ANK2: variants seen among roughly 807,000 people sequenced by gnomAD.
The protein encoded by ANK2 is ankyrin 2.
In ANK2, 83 loss-of-function variants were observed where a neutral mutation model predicts 360.5. That is an observed-to-expected ratio of 0.23 (90% CI 0.19 to 0.28). The LOEUF (loss-of-function observed/expected upper bound fraction) is 0.28. Ranked by LOEUF, ANK2 falls within the 10% of genes least tolerant of loss-of-function variation. The probability of loss-of-function intolerance (pLI) is 1.00; values close to 1 mark genes in which losing one functional copy is unlikely to be tolerated. For missense variants in ANK2, 4,201 were observed against 4,795.7 expected (o/e 0.88, Z 3.66); for synonymous variants, 1,740 against 1,759.5 (o/e 0.99, Z 0.28).
chr4:113,291,111 A>C (rs28567982), intron 20 of ANK2, among the ~76,000 whole-genome samples: 38,068 of 152,120 alleles, frequency 0.25, 5,118 homozygotes, highest in Admixed American at 0.33. Context: ...ATATTATTTT[A>C]TTAATTTACA....
chr4:113,073,499 C>T (rs937251491), intron 1 of ANK2, among the ~76,000 whole-genome samples: 3 of 151,986 alleles, frequency 2.0e-5, no homozygotes, highest in South Asian at 4.2e-4. Flanking sequence ...ACTAGGATGC[C>T]AGCCTGAAGC....
chr4:113,132,338 GT>G (rs1403017738), intron 1 of ANK2, among the ~76,000 whole-genome samples: 1 of 151,978 alleles, frequency 6.6e-6, no homozygotes, highest in Non-Finnish European at 1.5e-5. Flanking sequence ...TTCTCCTGGA[GT>G]TTTCAACATA....
At chr4:112,799,295 C>T in the ANK2 span, among the ~76,000 whole-genome samples, 3 of 152,212 alleles carry the variant, frequency 2.0e-5, no homozygotes, top group South Asian at 6.2e-4. Flanking sequence ...TACACAGACA[C>T]CTGTTCGAGT....
intron 22 of ANK2, among the ~76,000 whole-genome samples, chr4:113,301,378 T>TACACAC (rs59844602): frequency 1.3e-4 from 19 of 149,610 alleles, no homozygotes; most frequent in South Asian, 8.5e-4. Context: ...GATGTTTTGA[T>TACACAC]ACACACACAC....
chr4:113,037,373 A>C (rs1223344642), intron 2 of ANK2, among the ~76,000 whole-genome samples: 4 of 151,964 alleles, frequency 2.6e-5, no homozygotes, highest in Non-Finnish European at 5.9e-5. Flanking sequence ...AGATTTGTGA[A>C]ATACTATTAT....
At chr4:112,888,345 AGT>A (rs1410714467) in intron 1 of ANK2, among the ~76,000 whole-genome samples, 2 of 152,200 alleles carry the variant, frequency 1.3e-5, no homozygotes, top group Non-Finnish European at 2.9e-5. Context: ...AGAAAGTTAA[AGT>A]GAGCTGTTCA....
rs371943204 is a variant in ANK2 at position 113,317,824 on chromosome 4, G to A, written c.2796+15G>A. 2.5e-6 allele frequency: 4 copies of A among 1,602,200 alleles called. No individual in the cohort carries two copies. Among genetic ancestry groups the A allele is most frequent in the Non-Finnish European group, 3.4e-6 (4 of 1,169,496 alleles). The stretch of plus-strand genomic sequence containing the variant: ...CCAGTCACCAGGTATGTGACATTTT[G>A]CCTTCATGTCTTTGCTTTCTGGAGA... On this transcript the variant is annotated intron_variant, in intron 25 of 45. Coordinates refer to ENST00000357077, the MANE Select transcript of ANK2 (RefSeq NM_001148.6).
At chr4:112,913,403 G>T (rs962765708) in intron 2 of ANK2, among the ~76,000 whole-genome samples, 5 of 152,102 alleles carry the variant, frequency 3.3e-5, no homozygotes, top group Non-Finnish European at 5.9e-5. Flanking sequence ...GGGCTCAAAC[G>T]ATCCTACCAC....
At chr4:113,233,281 C>T (rs2099343658) in intron 5 of ANK2, among the ~76,000 whole-genome samples, 1 of 149,180 alleles carries the variant, frequency 6.7e-6, no homozygotes, top group South Asian at 2.1e-4. Context: ...ACTACAGGCG[C>T]CCGCCACTAC....
At chr4:113,015,017 C>A (rs12506340) in intron 2 of ANK2, among the ~76,000 whole-genome samples, 20,607 of 151,840 alleles carry the variant, frequency 0.14, 1,811 homozygotes, top group East Asian at 0.39. Context: ...CGCCACCACG[C>A]CCGGCTAATT....
At chr4:112,728,686 G>C in the ANK2 span, among the ~76,000 whole-genome samples, 1 of 151,964 alleles carries the variant, frequency 6.6e-6, no homozygotes, top group Non-Finnish European at 1.5e-5. Context: ...CCGGGGAGTT[G>C]AGGCTGCAGT....
At chr4:113,193,139 G>A (rs551706040) in intron 2 of ANK2, among the ~76,000 whole-genome samples, 10 of 152,164 alleles carry the variant, frequency 6.6e-5, no homozygotes, top group African/African-American at 2.2e-4. Flanking sequence ...CCAAATTCCA[G>A]ATCTCATTGT....
rs1338434240 is a variant in ANK2 at position 113,341,838 on chromosome 4, C to T, written c.4044C>T (p.Cys1348=). The part of the protein sequence containing the change: ...DPIEARLRCF[C]MTDDKVDKTL... ...TTGAAGCCAGGTTGAGGTGTTTCTG[C>T]ATGACTGATGATAAAGTGGATAAGA... The change falls in exon 33 of 46, where the codon TGC becomes TGT. Residue 1348 remains cysteine (C), a synonymous_variant. Coordinates refer to ENST00000357077, the MANE Select transcript of ANK2 (RefSeq NM_001148.6). 1.2e-6 allele frequency: 2 copies of T among 1,614,064 alleles called. No individual in the cohort carries two copies. The highest frequency in any genetic ancestry group is 1.7e-5 in the Admixed American group (1 of 60,010).
chr4:113,038,466 T>C (rs1335201733), intron 2 of ANK2, among the ~76,000 whole-genome samples: 4 of 151,942 alleles, frequency 2.6e-5, no homozygotes, highest in Non-Finnish European at 4.4e-5. Flanking sequence ...ACCCCCTTAG[T>C]ATAGTACGCA....
the ANK2 span, among the ~76,000 whole-genome samples, chr4:112,758,260 T>G: frequency 6.6e-6 from 1 of 152,156 alleles, no homozygotes; most frequent in African/African-American, 2.4e-5. Flanking sequence ...AACATTAAAT[T>G]AGAAAAATGG....
chr4:113,295,068 G>A (rs1252293378), intron 22 of ANK2, among the ~76,000 whole-genome samples: 4 of 152,098 alleles, frequency 2.6e-5, no homozygotes, highest in African/African-American at 9.7e-5. Context: ...AATAATGTAT[G>A]TTTATTTTAC....
chr4:112,912,873 A>T (rs1581048237), intron 2 of ANK2, among the ~76,000 whole-genome samples: 1 of 152,072 alleles, frequency 6.6e-6, no homozygotes, highest in African/African-American at 2.4e-5. Context: ...AATAAATATT[A>T]AAAAATAATT....
Position 113,383,450 on chromosome 4 carries a change from TG to T in ANK2, c.*1980del, listed in dbSNP as rs2154093888. On this transcript the variant is annotated 3_prime_UTR_variant, in exon 46 of 46. Coordinates refer to ENST00000357077, the MANE Select transcript of ANK2 (RefSeq NM_001148.6). ...CACTGGAGCTCAAGAAAAGCATTTC[TG>T]TTGTGTTATTTGCAGTGCAGATGAT... The T allele has an allele frequency of 6.5e-6, 1 of 152,786 alleles. No individual in the cohort carries two copies. The highest frequency in any genetic ancestry group is 2.4e-5 in the African/African-American group (1 of 41,588). The allele number at this position is 152,786 out of a possible 1,614,324, so 9.5% of individuals were successfully genotyped here.
chr4:113,344,718 A>G (rs2094640908), intron 34 of ANK2, among the ~76,000 whole-genome samples: 1 of 152,226 alleles, frequency 6.6e-6, no homozygotes. Context: ...AGGAAATTCT[A>G]GTTTATGCTG....
Sources: allele counts gnomAD v4.1 joint callset (sites outside exome capture counted in the v4.1 genomes callset), GRCh38; gene constraint gnomAD v4.1.1; transcripts MANE v1.5; gene names NCBI Gene and HGNC (gene_info 2026-07-23, HGNC 2026-07-21).